Variants in ACSM5 observed in about 807,000 individuals in gnomAD.
The protein encoded by ACSM5 is acyl-coenzyme A synthetase ACSM5, mitochondrial.
ACSM5 carries 56 observed loss-of-function variants against 71.6 expected under a neutral mutation model. The observed-to-expected ratio is 0.78, with a 90% CI of 0.63 to 0.98. ACSM5 has a LOEUF of 0.98. Among genes scored for constraint, ACSM5 ranks in the 50% least tolerant of loss-of-function variants. ACSM5 has a pLI of 0.00. For missense variants in ACSM5, 723 were observed against 726.0 expected (o/e 1.00, Z 0.05); for synonymous variants, 285 against 281.5 (o/e 1.01, Z -0.12).
In ACSM5 at chr16:20,431,246, G is replaced by C. The variant is rs1967092844; in HGVS notation, c.1233G>C (p.Leu411=). 1.2e-6 allele frequency: 2 copies of C among 1,614,020 alleles called. No homozygotes were observed. Among genetic ancestry groups the C allele is most frequent in the African/African-American group, 1.3e-5 (1 of 74,936 alleles). ...VQIVDDEGNV[L]PPGEEGNVAV... is the part of the protein sequence containing the mutation. ...TTGTGGATGATGAGGGCAACGTCCT[G>C]CCTCCTGGAGAAGAGGGGAATGTTG... Residue 411 remains leucine, a synonymous_variant, in exon 10 of 14, where the codon CTG becomes CTC. Coordinates refer to ENST00000331849, the MANE Select transcript of ACSM5 (RefSeq NM_017888.3).
At chr16:20,417,970 T>C in intron 2 of ACSM5, 89 bp from the exon 3 acceptor site, 1 of 1,252,812 alleles carries the variant, frequency 8.0e-7, no homozygotes, top group South Asian at 1.5e-5. Context: ...GAATTTTATA[T>C]TAACTATTAT....
intron 12 of ACSM5, among the ~76,000 whole-genome samples, chr16:20,438,530 G>C (rs1431166841): frequency 4.0e-5 from 6 of 151,814 alleles, no homozygotes; most frequent in African/African-American, 1.4e-4. Flanking sequence ...CCATTGATGT[G>C]CTGAAGAAAT....
chr16:20,428,474 C>T (rs923336500), intron 7 of ACSM5, among the ~76,000 whole-genome samples: 1 of 152,338 alleles, frequency 6.6e-6, no homozygotes, highest in South Asian at 2.1e-4. Context: ...TCTAGCAGAA[C>T]AGGGCTGGTT....
chr16:20,411,649 C>T lies in ACSM5; in HGVS notation c.165C>T (p.Phe55=), dbSNP rs370540779. 1.6e-4 allele frequency: 255 copies of T among 1,614,120 alleles called. 3 individuals carry two copies. The highest frequency in any genetic ancestry group is 9.9e-4 in the Middle Eastern group (6 of 6,034). ...AGCTGGTGCCTGAGTACTTCAACTT[C>T]GCCCATGATGTGCTGGATGTGTGGA... The part of the protein sequence containing the change: ...GRQLVPEYFN[F]AHDVLDVWSR... The change falls in exon 2 of 14, where the codon TTC becomes TTT. Residue 55 remains phenylalanine, a synonymous_variant. Coordinates refer to ENST00000331849, the MANE Select transcript of ACSM5 (RefSeq NM_017888.3).
intron 2 of ACSM5, among the ~76,000 whole-genome samples, chr16:20,415,055 A>G (rs935699774): frequency 7.2e-5 from 11 of 152,220 alleles, no homozygotes; most frequent in Non-Finnish European, 1.2e-4. Context: ...TATAAGGGAT[A>G]AGCTTGGATA....
intron 8 of ACSM5, 44 bp downstream of exon 8, chr16:20,429,845 G>A (rs368810060): frequency 3.4e-5 from 55 of 1,601,844 alleles, no homozygotes; most frequent in South Asian, 3.0e-4. Flanking sequence ...AGGTCCCCTC[G>A]AGAGCTTCCT....
In ACSM5 at chr16:20,423,967, T is replaced by C. The variant is rs1376575080; in HGVS notation, c.819T>C (p.Thr273=). The change falls in exon 6 of 14, where the codon ACT becomes ACC. Residue 273 remains threonine (T), a synonymous_variant. Transcript: ENST00000331849. ...ACATCTTCTGGAACACGACTGACAC[T>C]GGCTGGGTGAAGGCAGCCTGGACTC... The part of the protein sequence containing the change: ...ESDIFWNTTD[T]GWVKAAWTLF... 1.2e-6 allele frequency: 2 copies of C among 1,614,188 alleles called. No homozygotes were observed. The highest frequency in any genetic ancestry group is 3.3e-5 in the Admixed American group (2 of 60,022).
chr16:20,415,954 A>G (rs1441243559), intron 2 of ACSM5, among the ~76,000 whole-genome samples: 1 of 152,218 alleles, frequency 6.6e-6, no homozygotes, highest in African/African-American at 2.4e-5. Flanking sequence ...GCAATAAAAA[A>G]TGAAGTTAAG....
intron 5 of ACSM5, among the ~76,000 whole-genome samples, 161 bp from the exon 6 acceptor site, chr16:20,423,755 G>A (rs896243433): frequency 4.6e-5 from 7 of 152,240 alleles, no homozygotes; most frequent in Non-Finnish European, 7.3e-5. Flanking sequence ...CATGGAAGAT[G>A]CTGGTTGAGA....
Position 20,441,323 on chromosome 16 carries a change from T to A in ACSM5, c.*896T>A, listed in dbSNP as rs1045754218. ...TACAACTATTTTAATGAAAAAGTTA[T>A]GTTAAAGAAAGCACACTCTGCTTCA... On this transcript the variant is annotated 3_prime_UTR_variant, in exon 14 of 14. Coordinates refer to ENST00000331849, the MANE Select transcript of ACSM5 (RefSeq NM_017888.3). The A allele has an allele frequency of 7.2e-5, 11 of 152,236 alleles. No homozygotes were observed. Among genetic ancestry groups the A allele is most frequent in the Non-Finnish European group, 1.5e-5 (1 of 68,046 alleles). 9.4% of individuals were successfully genotyped at this position (152,236 alleles called of 1,614,324 possible).
rs142721448 is a variant in ACSM5 at position 20,421,337 on chromosome 16, G to A, written c.703G>A (p.Gly235Arg). Residue 235 changes from glycine (G) to arginine (R), a missense_variant, in exon 5 of 14, where the codon GGG (glycine) becomes AGG (arginine). Coordinates refer to ENST00000331849, the MANE Select transcript of ACSM5 (RefSeq NM_017888.3). ...LAIYFTSGTT[G>R]APKMVEHSQS... The stretch of plus-strand genomic sequence containing the variant: ...CATCTACTTTACCAGCGGAACCACC[G>A]GGGCCCCCAAGATGGTCGAGCACTC... 179 of 1,609,530 alleles carry A rather than the reference G, an allele frequency of 1.1e-4. No individual in the cohort carries two copies. The highest frequency in any genetic ancestry group is 1.5e-4 in the African/African-American group (11 of 74,772).
rs1967222308 is a variant in ACSM5 at position 20,437,306 on chromosome 16, C to A, written c.1475C>A (p.Ala492Glu). 6.2e-7 allele frequency: 1 copy of A among 1,614,136 alleles called. No individual in the cohort carries two copies. Among genetic ancestry groups the A allele is most frequent in the Non-Finnish European group, 8.5e-7 (1 of 1,180,020 alleles). Residue 492 changes from alanine to glutamate, a missense_variant, in exon 12 of 14, where the codon GCA becomes GAA. By Grantham distance (107) the Ala-to-Glu change is moderately radical. Transcript: ENST00000331849. ...IGPVEVESAL[A>E]EHPAVLESAV... is the part of the protein sequence containing the mutation. Reference sequence around the variant, plus strand: ...CCTGTTGAAGTGGAAAGTGCCCTGGCAGAGCATCCTGCTGTCCTGGAGTCG... The same window carrying A: ...CCTGTTGAAGTGGAAAGTGCCCTGGAAGAGCATCCTGCTGTCCTGGAGTCG...
At chr16:20,429,170 C>T (rs1351903705) in intron 7 of ACSM5, among the ~76,000 whole-genome samples, 1 of 152,058 alleles carries the variant, frequency 6.6e-6, no homozygotes, top group East Asian at 1.9e-4. Context: ...GCCACCATAC[C>T]CAGCTAATTT....
In ACSM5 at chr16:20,411,613, C is replaced by T. The variant is rs748427273; in HGVS notation, c.129C>T (p.Ser43=). 8 of 1,614,048 alleles carry T rather than the reference C, an allele frequency of 5.0e-6. No individual in the cohort carries two copies. Among genetic ancestry groups the T allele is most frequent in the Non-Finnish European group, 5.9e-6 (7 of 1,180,050 alleles). ...QKIVATWEAI[S]LGRQLVPEYF... ...TCGTGGCCACCTGGGAAGCCATCAG[C>T]CTGGGAAGGCAGCTGGTGCCTGAGT... The change falls in exon 2 of 14, where the codon AGC becomes AGT. Residue 43 remains serine (S), a synonymous_variant. Transcript: ENST00000331849.
rs146619439 is a variant in ACSM5 at position 20,414,230 on chromosome 16, A to T, written c.204+2542A>T. ...AATCCCTGAAACCTGTGAGTATGTT[A>T]TCTTACATGGCAAGAGACTTTGCAA... On this transcript the variant is annotated intron_variant, in intron 2 of 13. Coordinates refer to ENST00000331849, the MANE Select transcript of ACSM5 (RefSeq NM_017888.3). Among the ~76,000 whole-genome samples, 199 of 152,296 alleles carry T rather than the reference A, an allele frequency of 1.3e-3. 3 individuals carry two copies. In the South Asian group the frequency reaches 0.036, roughly 28 times the overall value.
At chr16:20,413,128 C>G (rs953013501) in intron 2 of ACSM5, among the ~76,000 whole-genome samples, 20 of 152,220 alleles carry the variant, frequency 1.3e-4, no homozygotes, top group South Asian at 2.1e-4. Context: ...GCATGTAAGA[C>G]ATGAAGCCAG....
At chr16:20,429,009 T>C (rs1967043769) in intron 7 of ACSM5, among the ~76,000 whole-genome samples, 1 of 151,834 alleles carries the variant, frequency 6.6e-6, no homozygotes, top group Non-Finnish European at 1.5e-5. Flanking sequence ...TCTTTTATTT[T>C]TATTTATTTA....
chr16:20,412,058 A>G (rs1380169955), intron 2 of ACSM5: 2 of 261,784 alleles, frequency 7.6e-6, no homozygotes, highest in South Asian at 4.5e-5. Flanking sequence ...CTAAATAAGG[A>G]AAGAAGGCCG....
At chr16:20,433,637 A>G (rs1967142590) in intron 10 of ACSM5, among the ~76,000 whole-genome samples, 1 of 152,336 alleles carries the variant, frequency 6.6e-6, no homozygotes, top group African/African-American at 2.4e-5. Flanking sequence ...GTTCAAATGC[A>G]TAATATCACC....
Sources: gnomAD v4.1 joint callset for allele counts (sites outside exome capture counted in the v4.1 genomes callset) on GRCh38, gnomAD v4.1.1 for gene constraint, MANE v1.5 for transcripts, NCBI Gene and HGNC (gene_info 2026-07-23, HGNC 2026-07-21) for gene names.